The following CTNNA3 variants were observed in gnomAD, a reference collection of about 807,000 sequenced individuals.
The protein encoded by CTNNA3 is catenin alpha 3, also known as catenin alpha-3.
Under a neutral mutation model 95.7 loss-of-function variants are expected in CTNNA3, and 76 were observed. The ratio of observed to expected loss-of-function variants is 0.79; its 90% CI spans 0.66 to 0.96. The LOEUF is 0.96. Ranked by LOEUF, CTNNA3 falls within the 40% of genes least tolerant of loss-of-function variation. The pLI is 0.00. For missense variants in CTNNA3, 1,191 were observed against 1,089.8 expected (o/e 1.09, Z -1.31); for synonymous variants, 431 against 374.4 (o/e 1.15, Z -1.74).
At chr10:66,352,183 A>T (rs527892602) in intron 12 of CTNNA3, among the ~76,000 whole-genome samples, 1 of 152,212 alleles carries the variant, frequency 6.6e-6, no homozygotes, top group South Asian at 2.1e-4. Context: ...ATATTTCATT[A>T]TACTTAGTAG....
intron 5 of CTNNA3, among the ~76,000 whole-genome samples, chr10:67,363,908 G>A (rs1405840302): frequency 6.6e-6 from 1 of 152,094 alleles, no homozygotes; most frequent in East Asian, 1.9e-4. Context: ...AAGAAGAGTT[G>A]GTACCATTCC....
At chr10:66,724,208 G>A (rs930916655) in intron 9 of CTNNA3, among the ~76,000 whole-genome samples, 1 of 152,112 alleles carries the variant, frequency 6.6e-6, no homozygotes, top group Non-Finnish European at 1.5e-5. Context: ...GAGAAATTTA[G>A]TTAGCTCATT....
chr10:67,230,622 T>C (rs1483187726), intron 5 of CTNNA3, among the ~76,000 whole-genome samples: 3 of 152,052 alleles, frequency 2.0e-5, no homozygotes, highest in African/African-American at 7.2e-5. Context: ...CATCAAAAAG[T>C]GGGCTAAGGA....
chr10:67,354,018 T>C (rs966090018), intron 5 of CTNNA3, among the ~76,000 whole-genome samples: 1 of 152,010 alleles, frequency 6.6e-6, no homozygotes, highest in Non-Finnish European at 1.5e-5. Flanking sequence ...CCATTCTTGG[T>C]CCCAATTCTG....
At chr10:67,392,021 A>G (rs866166634) in intron 5 of CTNNA3, among the ~76,000 whole-genome samples, 66 of 152,066 alleles carry the variant, frequency 4.3e-4, no homozygotes, top group Middle Eastern at 6.8e-3. Flanking sequence ...TAAAACACCA[A>G]AAGCAATGGC....
chr10:66,379,033 T>C (rs1233132179), intron 12 of CTNNA3, 119 bp downstream of exon 12: 3 of 809,316 alleles, frequency 3.7e-6, no homozygotes, highest in Non-Finnish European at 6.1e-6. Flanking sequence ...AAGCACTGTA[T>C]AGCAATGTAT....
At chr10:66,991,666 C>T (rs1323911477) in intron 7 of CTNNA3, among the ~76,000 whole-genome samples, 1 of 152,116 alleles carries the variant, frequency 6.6e-6, no homozygotes, top group Non-Finnish European at 1.5e-5. Context: ...ATTCTCCCGC[C>T]TCAGCCTCCT....
At chr10:66,009,556 C>T (rs139461834) in intron 15 of CTNNA3, among the ~76,000 whole-genome samples, 4 of 152,186 alleles carry the variant, frequency 2.6e-5, no homozygotes, top group African/African-American at 7.2e-5. Flanking sequence ...TTTCTTTTCA[C>T]TCTCGAAAAG....
At chr10:66,188,589 G>T (rs1439958832) in intron 13 of CTNNA3, among the ~76,000 whole-genome samples, 2 of 113,724 alleles carry the variant, frequency 1.8e-5, no homozygotes, top group Non-Finnish European at 3.6e-5. Context: ...GGGGGAGGGG[G>T]GGTCTCTGTG....
chr10:66,752,866 A>G (rs1397821250), intron 9 of CTNNA3, among the ~76,000 whole-genome samples: 1 of 152,026 alleles, frequency 6.6e-6, no homozygotes, highest in Non-Finnish European at 1.5e-5. Context: ...GCACACACAC[A>G]CACACTGTAT....
At chr10:66,002,249 T>A (rs1193614957) in intron 15 of CTNNA3, among the ~76,000 whole-genome samples, 4 of 152,204 alleles carry the variant, frequency 2.6e-5, no homozygotes, top group Non-Finnish European at 4.4e-5. Flanking sequence ...CATGAAACTT[T>A]AATTTGGCAA....
chr10:66,531,095 C>A (rs2132049157), intron 10 of CTNNA3, among the ~76,000 whole-genome samples: 1 of 152,068 alleles, frequency 6.6e-6, no homozygotes, highest in Non-Finnish European at 1.5e-5. Flanking sequence ...CTGTCTTTTA[C>A]ACTAAATATT....
intron 5 of CTNNA3, among the ~76,000 whole-genome samples, chr10:67,294,999 C>T (rs894124553): frequency 1.9e-4 from 29 of 152,094 alleles, no homozygotes; most frequent in Admixed American, 1.3e-3. Context: ...AATGAGTACT[C>T]GTTGAATTAA....
chr10:66,600,088 A>T (rs1360854682), intron 10 of CTNNA3, among the ~76,000 whole-genome samples: 1 of 151,942 alleles, frequency 6.6e-6, no homozygotes, highest in Non-Finnish European at 1.5e-5. Flanking sequence ...AGGCTAACAC[A>T]GTTGCTGAGA....
At chr10:66,059,930 A>C (rs1205634150) in intron 15 of CTNNA3, among the ~76,000 whole-genome samples, 1 of 152,054 alleles carries the variant, frequency 6.6e-6, no homozygotes, top group East Asian at 1.9e-4. Context: ...CAATTTTATT[A>C]CTTTAATAAT....
intron 12 of CTNNA3, among the ~76,000 whole-genome samples, chr10:66,336,083 C>T (rs183797816): frequency 9.2e-5 from 14 of 152,202 alleles, no homozygotes; most frequent in South Asian, 2.1e-4. Flanking sequence ...ATTGGAAAAG[C>T]GCAGTATTAG....
chr10:66,994,158 G>A (rs1851198009), intron 7 of CTNNA3, among the ~76,000 whole-genome samples: 1 of 152,074 alleles, frequency 6.6e-6, no homozygotes. Flanking sequence ...TCTTATAGAA[G>A]GTCCCTCGTA....
chr10:67,446,384 A>G (rs1846749717), intron 5 of CTNNA3, among the ~76,000 whole-genome samples: 1 of 152,168 alleles, frequency 6.6e-6, no homozygotes, highest in African/African-American at 2.4e-5. Flanking sequence ...CTAAAACCCC[A>G]AAGGAATGTG....
chr10:67,196,863 T>C (rs1350907665), intron 6 of CTNNA3, among the ~76,000 whole-genome samples: 2 of 152,084 alleles, frequency 1.3e-5, no homozygotes, highest in African/African-American at 2.4e-5. Context: ...TGAGGCAATA[T>C]ATATTAATGA....
Sources: gnomAD v4.1 joint callset for allele counts (sites outside exome capture counted in the v4.1 genomes callset) on GRCh38, gnomAD v4.1.1 for gene constraint, MANE v1.5 for transcripts, NCBI Gene and HGNC (gene_info 2026-07-23, HGNC 2026-07-21) for gene names.